Variants in MEGF8 observed in about 807,000 individuals in gnomAD.
MEGF8 encodes multiple EGF like domains 8.
A neutral mutation model predicts 302.9 loss-of-function variants in MEGF8; 156 were observed. That is an observed-to-expected ratio of 0.52 (90% CI 0.45 to 0.59). MEGF8 has a LOEUF of 0.59. MEGF8 is among the 20% of genes least tolerant of loss of function. The probability of loss-of-function intolerance (pLI) is 0.00; values close to 1 mark genes in which losing one functional copy is unlikely to be tolerated. For missense variants in MEGF8, 3,345 were observed against 3,964.5 expected (o/e 0.84, Z 4.20); for synonymous variants, 1,621 against 1,660.5 (o/e 0.98, Z 0.58).
chr19:42,356,682 C>T lies in MEGF8; in HGVS notation c.4623-92C>T, dbSNP rs948600650. The T allele has an allele frequency of 2.2e-6, 3 of 1,343,188 alleles. No individual in the cohort carries two copies. Among genetic ancestry groups the T allele is most frequent in the African/African-American group, 1.5e-5 (1 of 68,676 alleles). The allele number at this position is 1,343,188 out of a possible 1,614,324, so 83.2% of individuals were successfully genotyped here. On this transcript the variant is annotated intron_variant, in intron 26 of 41. Transcript: ENST00000251268. The surrounding 1 kb of genome is among the most constrained non-coding windows in gnomAD (Gnocchi z 5.2). ...AGAGGACTGTCATAGGAAGGTCACC[C>T]CAGGGGATGCGGGGACATCTGTCAG...
At chr19:42,361,860 C>T (rs568089967) in intron 32 of MEGF8, among the ~76,000 whole-genome samples, 10 of 152,198 alleles carry the variant, frequency 6.6e-5, no homozygotes, top group Non-Finnish European at 1.2e-4. Flanking sequence ...CAGAAGGCTT[C>T]GGTGGCTGCA....
rs372350131 is a variant in MEGF8 at position 42,368,861 on chromosome 19, C to T, written c.6500C>T (p.Pro2167Leu). ...GPRDGLTCGRPGASWAFLSCP... is the reference protein window; with the variant it reads ...GPRDGLTCGRLGASWAFLSCP... Reference sequence around the variant, plus strand: ...GTGCTAGGGCTGACATGTGGGCGTCCGGGGGCCTCCTGGGCCTTCCTGTCC... The same window carrying T: ...GTGCTAGGGCTGACATGTGGGCGTCTGGGGGCCTCCTGGGCCTTCCTGTCC... Residue 2167 changes from proline to leucine, a missense_variant, in exon 37 of 42, where the codon CCG becomes CTG. Coordinates refer to ENST00000251268, the MANE Select transcript of MEGF8 (RefSeq NM_001271938.2). This position sits in a 1 kb window ranked among gnomAD's most constrained non-coding sequence, Gnocchi z 4.9. 289 of 1,613,640 alleles carry T rather than the reference C, an allele frequency of 1.8e-4. 1 individual carries two copies. Among genetic ancestry groups the T allele is most frequent in the Middle Eastern group, 1.3e-3 (8 of 6,056 alleles).
At position 42,344,224 on chromosome 19, in the gene MEGF8, C is replaced by A. The variant is rs2039254794; in HGVS notation, c.1788+151C>A. On this transcript the variant is annotated intron_variant, in intron 10 of 41. Transcript: ENST00000251268. The surrounding 1 kb of genome is among the most constrained non-coding windows in gnomAD (Gnocchi z 4.5). ...TCCTTCCTGATTCCTGACTGCGGAGCCCTGAACCTTTGCCTATCCCACCCA... is the reference window on the plus strand; with the variant it reads ...TCCTTCCTGATTCCTGACTGCGGAGACCTGAACCTTTGCCTATCCCACCCA... Among the ~76,000 whole-genome samples, 1 of 152,214 alleles carries A rather than the reference C, an allele frequency of 6.6e-6. No individual in the cohort carries two copies. The highest frequency in any genetic ancestry group is 2.1e-4 in the South Asian group (1 of 4,834).
chr19:42,336,766 G>A lies in MEGF8; in HGVS notation c.1245-41G>A, dbSNP rs753742103. ...AAGAGCCTGGAGGAGGGAGAGAGAC[G>A]CTTCCTGCCCTGAGCCCCTGCCCTG... On this transcript the variant is annotated intron_variant, in intron 6 of 41. Coordinates refer to ENST00000251268, the MANE Select transcript of MEGF8 (RefSeq NM_001271938.2). This position sits in a 1 kb window ranked among gnomAD's most constrained non-coding sequence, Gnocchi z 4.8. 6.5e-6 allele frequency: 10 copies of A among 1,533,246 alleles called. No individual in the cohort carries two copies. Among genetic ancestry groups the A allele is most frequent in the Admixed American group, 4.4e-5 (2 of 45,226 alleles). The allele number at this position is 1,533,246 out of a possible 1,614,324, so 95.0% of individuals were successfully genotyped here. A position where few individuals can be genotyped will look rare whatever the true frequency, so the allele number is the denominator to read the frequency against.
In MEGF8 at chr19:42,356,986, GCA is replaced by G; in HGVS notation, c.4830+6_4830+7del. 6.3e-7 allele frequency: 1 copy of G among 1,584,864 alleles called. No individual in the cohort carries two copies. The highest frequency in any genetic ancestry group is 8.6e-7 in the Non-Finnish European group (1 of 1,166,542). The stretch of plus-strand genomic sequence containing the variant: ...CTGCAATGGCGGCAGGAGAAGGTGA[GCA>G]TCTCTCCCCAGCCCACTCCCCAGCC... On this transcript the variant is annotated splice_donor_region_variant and intron_variant, in intron 27 of 41. Coordinates refer to ENST00000251268, the MANE Select transcript of MEGF8 (RefSeq NM_001271938.2). This position sits in a 1 kb window ranked among gnomAD's most constrained non-coding sequence, Gnocchi z 5.2.
intron 8 of MEGF8, among the ~76,000 whole-genome samples, chr19:42,341,222 G>A (rs1355322116): frequency 1.3e-5 from 2 of 152,062 alleles, no homozygotes; most frequent in African/African-American, 4.8e-5. Flanking sequence ...GTGAGGTCAG[G>A]AGTTCGAGAC....
rs1240679493 is a variant in MEGF8 at position 42,348,533 on chromosome 19, T to C, written c.2298+61T>C. The C allele has an allele frequency of 3.8e-5, 53 of 1,405,632 alleles. 1 individual carries two copies. The South Asian group carries it at 7.7e-4, about 20-fold the overall frequency. 87.1% of individuals were successfully genotyped at this position (1,405,632 alleles called of 1,614,324 possible). ...GGTAAATAGGGAGTTAGGGGTGTGG[T>C]ATAGAGCATCTGTGGTGATTTGAAG... On this transcript the variant is annotated intron_variant, in intron 13 of 41. Transcript: ENST00000251268.
chr19:42,362,921 G>C (rs998316602), intron 34 of MEGF8, 127 bp from the exon 35 acceptor site: 2 of 825,862 alleles, frequency 2.4e-6, no homozygotes, highest in Non-Finnish European at 3.9e-6. Context: ...TGAGGGAGGA[G>C]GGGCTGGGGC....
At chr19:42,334,733 CTG>C (rs1600014604) in intron 3 of MEGF8, among the ~76,000 whole-genome samples, 1 of 152,190 alleles carries the variant, frequency 6.6e-6, no homozygotes, top group East Asian at 1.9e-4. Context: ...TCCTTTTTCT[CTG>C]TGCATCTTTT....
intron 1 of MEGF8, among the ~76,000 whole-genome samples, chr19:42,326,811 C>A (rs983599574): frequency 6.1e-5 from 9 of 148,330 alleles, no homozygotes; most frequent in Non-Finnish European, 1.0e-4. Context: ...GGTACCAACA[C>A]AATTTACTTA....
intron 41 of MEGF8, among the ~76,000 whole-genome samples, chr19:42,373,250 C>T (rs1245515090): frequency 6.6e-6 from 1 of 151,450 alleles, no homozygotes. Context: ...GTACCACCAC[C>T]CCCCGCTAAT....
In MEGF8 at chr19:42,353,205, G is replaced by A. The variant is rs2039401852; in HGVS notation, c.3550+78G>A. 1.5e-6 allele frequency: 2 copies of A among 1,356,488 alleles called. No individual in the cohort carries two copies. Among genetic ancestry groups the A allele is most frequent in the South Asian group, 2.8e-5 (2 of 72,690 alleles). The allele number at this position is 1,356,488 out of a possible 1,614,324, so 84.0% of individuals were successfully genotyped here. A position where few individuals can be genotyped will look rare whatever the true frequency, so the allele number is the denominator to read the frequency against. On this transcript the variant is annotated intron_variant, in intron 20 of 41. Coordinates refer to ENST00000251268, the MANE Select transcript of MEGF8 (RefSeq NM_001271938.2). This position sits in a 1 kb window ranked among gnomAD's most constrained non-coding sequence, Gnocchi z 6.1. ...CTTGGGGCTCCAGTTTGCTCTTCTT[G>A]GAGGGGGCCTCAGTGTCCTCTCATG...
At chr19:42,341,242 T>C (rs862228) in intron 8 of MEGF8, among the ~76,000 whole-genome samples, 12,759 of 151,820 alleles carry the variant, frequency 0.084, 679 homozygotes, top group Middle Eastern at 0.17. Context: ...CCAGCCTGGT[T>C]AATATGGTGA....
In MEGF8 at chr19:42,369,856, C is replaced by A; in HGVS notation, c.6834+133C>A. On this transcript the variant is annotated intron_variant, in intron 38 of 41. Transcript: ENST00000251268. This position sits in a 1 kb window ranked among gnomAD's most constrained non-coding sequence, Gnocchi z 5.7. ...GGACAGATAAGCCAGAGCCCTGTCCCAGGGAGATGTGTGGAGACTTGGGGG... is the reference window on the plus strand; with the variant it reads ...GGACAGATAAGCCAGAGCCCTGTCCAAGGGAGATGTGTGGAGACTTGGGGG... 9.2e-7 allele frequency: 1 copy of A among 1,083,964 alleles called. No homozygotes were observed. Among genetic ancestry groups the A allele is most frequent in the Non-Finnish European group, 1.3e-6 (1 of 770,792 alleles). 67.1% of individuals were successfully genotyped at this position (1,083,964 alleles called of 1,614,324 possible).
chr19:42,375,891 G>T lies in MEGF8; in HGVS notation c.7654G>T (p.Ala2552Ser). Residue 2552 changes from alanine (A) to serine (S), a missense_variant, in exon 42 of 42, where the codon GCA (alanine) becomes TCA (serine). Coordinates refer to ENST00000251268, the MANE Select transcript of MEGF8 (RefSeq NM_001271938.2). The surrounding 1 kb of genome is among the most constrained non-coding windows in gnomAD (Gnocchi z 7.1). Reference sequence around the variant, plus strand: ...CCGGGGGGCTGGGGATCCAGGAGGAGCAGGGGCCAGCAGTGGGCCGGGCGC... The same window carrying T: ...CCGGGGGGCTGGGGATCCAGGAGGATCAGGGGCCAGCAGTGGGCCGGGCGC... Reference protein sequence around the residue: ...GPRGAGDPGGAGASSGPGAPA... With the variant: ...GPRGAGDPGGSGASSGPGAPA... The T allele has an allele frequency of 6.2e-7, 1 of 1,601,268 alleles. No individual in the cohort carries two copies.
intron 12 of MEGF8, among the ~76,000 whole-genome samples, chr19:42,347,802 A>G (rs940321219): frequency 6.6e-6 from 1 of 151,604 alleles, no homozygotes; most frequent in Non-Finnish European, 1.5e-5. Flanking sequence ...TTTAAGTTGT[A>G]TAATATTCCA....
At chr19:42,339,768 A>G (rs749768339) in intron 8 of MEGF8, among the ~76,000 whole-genome samples, 9 of 152,198 alleles carry the variant, frequency 5.9e-5, no homozygotes, top group Admixed American at 3.9e-4. Flanking sequence ...GTATAAAACT[A>G]TCACTTAAGG....
intron 38 of MEGF8, 143 bp from the exon 39 acceptor site, chr19:42,370,046 A>C (rs2039663897): frequency 3.1e-6 from 3 of 964,146 alleles, no homozygotes; most frequent in Non-Finnish European, 4.6e-6. Context: ...GCGGGGGCTA[A>C]ATCCCGCTGG....
In MEGF8 at chr19:42,344,200, C is replaced by T. The variant is rs1187394364; in HGVS notation, c.1788+127C>T. ...GACTTGTTTTCATGCCGGAGATCCT[C>T]CTTCCTGATTCCTGACTGCGGAGCC... On this transcript the variant is annotated intron_variant, in intron 10 of 41. Transcript: ENST00000251268. The surrounding 1 kb of genome is among the most constrained non-coding windows in gnomAD (Gnocchi z 4.5). 2.2e-6 allele frequency: 3 copies of T among 1,374,520 alleles called. No homozygotes were observed. In the East Asian group the frequency reaches 7.5e-5, roughly 34 times the overall value. The allele number at this position is 1,374,520 out of a possible 1,614,324, so 85.1% of individuals were successfully genotyped here. A position where few individuals can be genotyped will look rare whatever the true frequency, so the allele number is the denominator to read the frequency against.
Sources: allele counts gnomAD v4.1 joint callset (sites outside exome capture counted in the v4.1 genomes callset), GRCh38; gene constraint gnomAD v4.1.1; non-coding constraint Gnocchi (gnomAD v3.1); transcripts MANE v1.5; gene names NCBI Gene and HGNC (gene_info 2026-07-23, HGNC 2026-07-21).